ITGB5: variants seen among roughly 807,000 people sequenced by gnomAD.
The protein encoded by ITGB5 is integrin beta-5.
ITGB5 carries 38 observed loss-of-function variants against 84.8 expected under a neutral mutation model. That is an observed-to-expected ratio of 0.45 (90% confidence interval 0.35 to 0.59). The LOEUF is 0.59. ITGB5 is among the 20% of genes least tolerant of loss of function. ITGB5 has a pLI of 0.01. For missense variants in ITGB5, 905 were observed against 1,034.5 expected (o/e 0.87, Z 1.72); for synonymous variants, 393 against 414.4 (o/e 0.95, Z 0.63).
At chr3:124,817,453 C>T (rs958700183) in intron 8 of ITGB5, among the ~76,000 whole-genome samples, 168 bp downstream of exon 8, 1 of 152,030 alleles carries the variant, frequency 6.6e-6, no homozygotes, top group Non-Finnish European at 1.5e-5. Flanking sequence ...GTTTCTCCAC[C>T]CTGACCCTGA....
intron 5 of ITGB5, among the ~76,000 whole-genome samples, chr3:124,830,456 G>A (rs1201770311): frequency 6.6e-6 from 1 of 152,238 alleles, no homozygotes; most frequent in Non-Finnish European, 1.5e-5. Flanking sequence ...AGGGTGCACT[G>A]CTGAGAACCA....
chr3:124,857,080 C>A (rs1362694885), intron 3 of ITGB5, among the ~76,000 whole-genome samples: 1 of 152,248 alleles, frequency 6.6e-6, no homozygotes. Flanking sequence ...AACTTACACT[C>A]TTCTTTTGTT....
intron 9 of ITGB5, among the ~76,000 whole-genome samples, chr3:124,798,071 T>TTTTTTTTTTTTTTTTTA (rs2064259522): frequency 6.7e-6 from 1 of 149,080 alleles, no homozygotes; most frequent in Admixed American, 6.7e-5. Context: ...TTTTTTTTTT[T>TTTTTTTTTTTTTTTTTA]GAGGTGGAGT....
At chr3:124,855,376 G>A (rs1170581167) in intron 3 of ITGB5, among the ~76,000 whole-genome samples, 1 of 152,064 alleles carries the variant, frequency 6.6e-6, no homozygotes. Context: ...CCTAGAGTCA[G>A]GGGGGAGATA....
chr3:124,856,821 T>C (rs1018638848), intron 3 of ITGB5, among the ~76,000 whole-genome samples: 18 of 152,308 alleles, frequency 1.2e-4, no homozygotes, highest in Middle Eastern at 3.4e-3. Flanking sequence ...ACATAAGAGA[T>C]TTCTCTTTCC....
At chr3:124,844,418 G>A (rs2065051032) in intron 4 of ITGB5, among the ~76,000 whole-genome samples, 1 of 152,040 alleles carries the variant, frequency 6.6e-6, no homozygotes, top group Non-Finnish European at 1.5e-5. Flanking sequence ...AAATTAGCTG[G>A]GCATGGTGGT....
At chr3:124,798,628 G>A (rs1484491084) in intron 9 of ITGB5, among the ~76,000 whole-genome samples, 2 of 152,138 alleles carry the variant, frequency 1.3e-5, no homozygotes, top group Non-Finnish European at 2.9e-5. Flanking sequence ...GTTTCACTGT[G>A]TTGGCCAGGC....
At chr3:124,801,931 A>G (rs114337727) in intron 9 of ITGB5, among the ~76,000 whole-genome samples, 5 of 152,170 alleles carry the variant, frequency 3.3e-5, no homozygotes, top group Non-Finnish European at 7.4e-5. Context: ...ACACCCTAGC[A>G]GACACATCTT....
chr3:124,858,299 A>G (rs916327110), intron 3 of ITGB5, among the ~76,000 whole-genome samples: 2 of 152,146 alleles, frequency 1.3e-5, no homozygotes, highest in Non-Finnish European at 2.9e-5. Flanking sequence ...ACAAAACAAA[A>G]TATCTCCACT....
At chr3:124,819,655 T>A (rs2064666794) in intron 7 of ITGB5, 84 bp downstream of exon 7, 2 of 969,394 alleles carry the variant, frequency 2.1e-6, no homozygotes, top group East Asian at 2.4e-5. Flanking sequence ...TCCTTTGAAT[T>A]TCCCCCAGAT....
chr3:124,845,117 A>AAGAAAC (rs1327764157), intron 4 of ITGB5, among the ~76,000 whole-genome samples: 2 of 152,220 alleles, frequency 1.3e-5, no homozygotes, highest in Non-Finnish European at 2.9e-5. Context: ...TCCACAATTC[A>AAGAAAC]AGAAACAGAA....
rs149093746 is a variant in ITGB5, at chr3:124,900,601, A to G, written c.-255+665T>C. Among the ~76,000 whole-genome samples, 1,143 of 152,226 alleles carry G rather than the reference A, an allele frequency of 7.5e-3. 10 individuals are homozygous for G. The highest frequency in any genetic ancestry group is 0.026 in the African/African-American group (1,067 of 41,516). ...ACCACATTTCATAGCCCTGAGACTG[A>G]GAAGAACACCCCCATATGTTTTCCA... is the stretch of plus-strand genomic sequence containing the variant. On this transcript the variant is annotated intron_variant, in intron 1 of 4. Coordinates refer to the ITGB5 transcript ENST00000608657.
chr3:124,844,937 G>A (rs1432480773), intron 4 of ITGB5, among the ~76,000 whole-genome samples: 1 of 152,132 alleles, frequency 6.6e-6, no homozygotes, highest in Non-Finnish European at 1.5e-5. Flanking sequence ...CTAGTCCCAC[G>A]GTGAACCTGG....
At chr3:124,889,379 A>C (rs2107658449), upstream of ITGB5, among the ~76,000 whole-genome samples, 2 of 152,306 alleles carry the variant, frequency 1.3e-5, no homozygotes, top group Non-Finnish European at 2.9e-5. Context: ...CCTGCCTTAC[A>C]AAACCAAACC....
At chr3:124,880,812 C>G (rs1237993218) in intron 1 of ITGB5, among the ~76,000 whole-genome samples, 9 of 151,718 alleles carry the variant, frequency 5.9e-5, no homozygotes, top group African/African-American at 1.9e-4. Context: ...GCCTGTGATC[C>G]CAGCTACTTG....
intron 7 of ITGB5, among the ~76,000 whole-genome samples, chr3:124,818,128 C>T (rs910808400): frequency 2.6e-5 from 4 of 152,062 alleles, no homozygotes; most frequent in Non-Finnish European, 5.9e-5. Context: ...GTTCAGAAGG[C>T]GTGAAAAGGG....
intron 1 of ITGB5, among the ~76,000 whole-genome samples, chr3:124,885,033 G>A (rs534449662): frequency 3.1e-4 from 47 of 152,344 alleles, no homozygotes; most frequent in African/African-American, 1.1e-3. Context: ...CACTTTGGGA[G>A]GCCAAGGCAG....
intron 3 of ITGB5, among the ~76,000 whole-genome samples, chr3:124,855,166 A>G (rs1253059998): frequency 6.6e-6 from 1 of 152,090 alleles, no homozygotes. Flanking sequence ...TACAAAAATT[A>G]GCCAGGTGTG....
At chr3:124,783,341 A>T (rs1039119056) in intron 10 of ITGB5, among the ~76,000 whole-genome samples, 1 of 151,266 alleles carries the variant, frequency 6.6e-6, no homozygotes, top group Non-Finnish European at 1.5e-5. Context: ...AACAGACCTG[A>T]GCATGTTCAA....
Sources: gnomAD v4.1 joint callset for allele counts (sites outside exome capture counted in the v4.1 genomes callset) on GRCh38, gnomAD v4.1.1 for gene constraint, MANE v1.5 for transcripts, NCBI Gene and HGNC (gene_info 2026-07-23, HGNC 2026-07-21) for gene names.